PGD: variants seen among roughly 807,000 people sequenced by gnomAD.
PGD encodes the protein phosphogluconate dehydrogenase.
In PGD, 21 loss-of-function variants were observed where a neutral mutation model predicts 60.4. The ratio of observed to expected loss-of-function variants is 0.35; its 90% CI spans 0.25 to 0.50. PGD has a LOEUF of 0.50. Among genes scored for constraint, PGD ranks in the 20% least tolerant of loss-of-function variants. The pLI is 0.98. For synonymous variants in PGD, 230 were observed against 235.9 expected, an observed-to-expected ratio of 0.97 and a Z score of 0.23; for missense variants, 477 against 613.1, an observed-to-expected ratio of 0.78 and a Z score of 2.34.
rs1639270379 is a variant in PGD, at chr1:10,399,396, C to T, written c.9-233C>T. 3 of 485,538 alleles carry T rather than the reference C, an allele frequency of 6.2e-6. No homozygotes were observed. In the East Asian group the frequency reaches 1.1e-4, roughly 18 times the overall value. 30.1% of individuals were successfully genotyped at this position (485,538 alleles called of 1,614,324 possible). A position where few individuals can be genotyped will look rare whatever the true frequency, so the allele number is the denominator to read the frequency against. Reference sequence around the variant, plus strand: ...GCGCGGCCAGGCCTCGCCGAGTCTGCAGGGACACCTGCGGGACGCGTGCCA... The same window carrying T: ...GCGCGGCCAGGCCTCGCCGAGTCTGTAGGGACACCTGCGGGACGCGTGCCA... On this transcript the variant is annotated intron_variant, in intron 1 of 12. Coordinates refer to ENST00000270776, the MANE Select transcript of PGD (RefSeq NM_002631.4).
In PGD at chr1:10,419,785, A is replaced by T. The variant is rs1265206301; in HGVS notation, c.*36A>T. The T allele has an allele frequency of 6.2e-7, 1 of 1,612,480 alleles. No individual in the cohort carries two copies. Among genetic ancestry groups the T allele is most frequent in the Non-Finnish European group, 8.5e-7 (1 of 1,179,042 alleles). ...CCTGTCACCCTCCACGATTCCACAG[A>T]CCAGGACATTCCATGTGCCTCATGG... is the stretch of plus-strand genomic sequence containing the variant. On this transcript the variant is annotated 3_prime_UTR_variant, in exon 13 of 13. Transcript: ENST00000270776.
chr1:10,415,398 T>G (rs1435846911), intron 8 of PGD: 1 of 152,196 alleles, frequency 6.6e-6, no homozygotes, highest in Non-Finnish European at 1.5e-5. Flanking sequence ...TATGTGTAAG[T>G]ATTAGGATCT....
At position 10,403,064 on chromosome 1, in the gene PGD, G is replaced by A. The variant is rs758490417; in HGVS notation, c.265-7G>A. The A allele has an allele frequency of 3.8e-6, 6 of 1,596,610 alleles. No homozygotes were observed. In the South Asian group the frequency reaches 6.6e-5, roughly 18 times the overall value. On this transcript the variant is annotated splice_region_variant and splice_polypyrimidine_tract_variant and intron_variant, in intron 3 of 12. Coordinates refer to ENST00000270776, the MANE Select transcript of PGD (RefSeq NM_002631.4). Reference sequence around the variant, plus strand: ...TGGTCCATCTTAATGCTGGTGTCTGGTTACAGGTACCATTGTTGGATACTG... The same window carrying A: ...TGGTCCATCTTAATGCTGGTGTCTGATTACAGGTACCATTGTTGGATACTG...
At chr1:10,403,589 T>C (rs891767799) in intron 4 of PGD, among the ~76,000 whole-genome samples, 1 of 46,532 alleles carries the variant, frequency 2.1e-5, no homozygotes, top group South Asian at 4.5e-4. Context: ...AAACTCCATC[T>C]GAAAAAAAAA....
At chr1:10,412,549 A>T (rs1349117319) in intron 7 of PGD, among the ~76,000 whole-genome samples, 3 of 152,110 alleles carry the variant, frequency 2.0e-5, no homozygotes, top group African/African-American at 7.2e-5. Flanking sequence ...TTCATTTTTT[A>T]TTGGTATATA....
rs555840512 is a variant in PGD at position 10,411,811 on chromosome 1, C to T, written c.654+259C>T. On this transcript the variant is annotated intron_variant, in intron 7 of 12. Transcript: ENST00000270776. The stretch of plus-strand genomic sequence containing the variant: ...ACCTGGTGTCAGGCACTGTGTCACT[C>T]CACATACCTGTCCCATTTACTCCCA... 9.2e-5 allele frequency among the ~76,000 whole-genome samples: 14 copies of T among 152,326 alleles called. 1 individual carries two copies. The highest frequency in any genetic ancestry group is 3.4e-4 in the African/African-American group (14 of 41,572).
intron 8 of PGD, among the ~76,000 whole-genome samples, chr1:10,414,182 G>C (rs1320258930): frequency 1.3e-5 from 2 of 152,156 alleles, no homozygotes; most frequent in African/African-American, 4.8e-5. Flanking sequence ...GTTTTGCTAA[G>C]TTCCTTCTCC....
intron 8 of PGD, chr1:10,415,285 G>C (rs576133393): frequency 2.0e-5 from 3 of 152,332 alleles, no homozygotes; most frequent in Admixed American, 1.3e-4. Flanking sequence ...GTTCCGTGCT[G>C]TATAGAAGGA....
At chr1:10,411,638 C>A in intron 7 of PGD, 86 bp downstream of exon 7, 2 of 1,529,320 alleles carry the variant, frequency 1.3e-6, no homozygotes, top group Non-Finnish European at 1.8e-6. Context: ...CATTCCTATC[C>A]CCTTGGCCAT....
chr1:10,405,397 A>C (rs77178309), intron 5 of PGD, among the ~76,000 whole-genome samples: 63 of 65,960 alleles, frequency 9.6e-4, no homozygotes, highest in African/African-American at 3.7e-3. Flanking sequence ...AAACAAACAA[A>C]AAATACACAC....
chr1:10,407,628 G>A (rs1329540453), intron 5 of PGD, among the ~76,000 whole-genome samples: 2 of 152,108 alleles, frequency 1.3e-5, no homozygotes, highest in Non-Finnish European at 2.9e-5. Context: ...CTTTTTGTGG[G>A]CACTTCCACC....
intron 5 of PGD, among the ~76,000 whole-genome samples, chr1:10,406,011 G>A (rs1243617529): frequency 5.3e-5 from 8 of 151,888 alleles, no homozygotes; most frequent in African/African-American, 1.7e-4. Flanking sequence ...CCACGACCAC[G>A]CCCAGCTAAT....
intron 6 of PGD, among the ~76,000 whole-genome samples, chr1:10,410,346 G>A (rs1041770876): frequency 6.6e-6 from 1 of 152,066 alleles, no homozygotes; most frequent in Non-Finnish European, 1.5e-5. Flanking sequence ...GGAGGCTGAG[G>A]CGTTAGAATT....
At chr1:10,406,743 A>C (rs1441545409) in intron 5 of PGD, among the ~76,000 whole-genome samples, 1 of 152,158 alleles carries the variant, frequency 6.6e-6, no homozygotes. Context: ...TCTCAAGAGT[A>C]ATATATCCGC....
At chr1:10,399,277 G>A (rs768265452) in intron 1 of PGD, 152 bp downstream of exon 1, 1 of 934,550 alleles carries the variant, frequency 1.1e-6, no homozygotes, top group Non-Finnish European at 1.6e-6. Context: ...ACGGCGTCTC[G>A]GGCCCAGAGC....
chr1:10,406,921 G>A (rs1448948153), intron 5 of PGD, among the ~76,000 whole-genome samples: 1 of 152,162 alleles, frequency 6.6e-6, no homozygotes, highest in African/African-American at 2.4e-5. Flanking sequence ...GCCATTATAA[G>A]GAGAAATAAA....
chr1:10,404,803 A>C (rs1397384461), intron 5 of PGD, among the ~76,000 whole-genome samples: 2 of 152,092 alleles, frequency 1.3e-5, no homozygotes, highest in African/African-American at 4.8e-5. Flanking sequence ...CTTGGCCTCT[A>C]AATAGGCTTT....
chr1:10,408,292 A>C (rs773240815), intron 6 of PGD, 152 bp downstream of exon 6: 19 of 645,698 alleles, frequency 2.9e-5, no homozygotes, highest in Non-Finnish European at 5.3e-5. Flanking sequence ...AACGCCTAGA[A>C]TGCATGCCTG....
At chr1:10,400,349 C>G in intron 2 of PGD, 44 bp from the exon 3 acceptor site, 7 of 1,444,134 alleles carry the variant, frequency 4.8e-6, no homozygotes, top group Non-Finnish European at 6.7e-6. Flanking sequence ...GTCTGAAAGT[C>G]TTGTGTGTCC....
Sources: gnomAD v4.1 joint callset for allele counts (sites outside exome capture counted in the v4.1 genomes callset) on GRCh38, gnomAD v4.1.1 for gene constraint, MANE v1.5 for transcripts, NCBI Gene and HGNC (gene_info 2026-07-23, HGNC 2026-07-21) for gene names.